The following EYA2 variants were observed in gnomAD, a reference collection of about 807,000 sequenced individuals.
EYA2 encodes EYA transcriptional coactivator and phosphatase 2, also known as protein phosphatase EYA2.
In EYA2, 31 loss-of-function variants were observed where a neutral mutation model predicts 69.2. That is an observed-to-expected ratio of 0.45 (90% confidence interval 0.34 to 0.60). EYA2 has a LOEUF of 0.60. EYA2 is among the 20% of genes least tolerant of loss of function. The probability of loss-of-function intolerance (pLI) is 0.02; values close to 1 mark genes in which losing one functional copy is unlikely to be tolerated. For missense variants in EYA2, 622 were observed against 701.2 expected (o/e 0.89, Z 1.28); for synonymous variants, 257 against 279.4 (o/e 0.92, Z 0.80).
In EYA2 at chr20:47,172,714, A is replaced by T. The variant is rs2034347152; in HGVS notation, c.1045A>T (p.Asn349Tyr). 6.2e-7 allele frequency: 1 copy of T among 1,611,938 alleles called. No individual in the cohort carries two copies. The highest frequency in any genetic ancestry group is 8.5e-7 in the Non-Finnish European group (1 of 1,179,092). Residue 349 changes from asparagine to tyrosine, a missense_variant, in exon 12 of 16, where the codon AAC (asparagine) becomes TAC (tyrosine). Around this residue, in one of 2 missense-constraint regions of EYA2, gnomAD observed 257 missense variants for 351.5 expected, o/e 0.73. Coordinates refer to ENST00000327619, the MANE Select transcript of EYA2 (RefSeq NM_005244.5). ...DDNGQDLSTY[N>Y]FSADGFHSSA... ...CCCCTCCTCTCTCCGCAGCACATAC[A>T]ACTTCTCCGCTGACGGCTTCCACAG...
chr20:47,034,565 A>T (rs538360615), intron 5 of EYA2, among the ~76,000 whole-genome samples: 4 of 152,224 alleles, frequency 2.6e-5, no homozygotes, highest in African/African-American at 9.6e-5. Flanking sequence ...GCGAGGAGGG[A>T]TCCCCAACTT....
chr20:47,104,624 G>A (rs1461783743), intron 9 of EYA2, among the ~76,000 whole-genome samples: 1 of 152,050 alleles, frequency 6.6e-6, no homozygotes, highest in East Asian at 1.9e-4. Flanking sequence ...GTGAGGCAGG[G>A]GTGCAACCTC....
intron 5 of EYA2, among the ~76,000 whole-genome samples, chr20:47,030,477 A>G (rs529291472): frequency 6.6e-6 from 1 of 152,346 alleles, no homozygotes; most frequent in East Asian, 1.9e-4. Flanking sequence ...CATGCTAAGC[A>G]TGGGCCACAC....
At chr20:47,028,935 T>TA (rs550136462) in intron 5 of EYA2, among the ~76,000 whole-genome samples, 98 of 149,062 alleles carry the variant, frequency 6.6e-4, no homozygotes, top group African/African-American at 2.1e-3. Flanking sequence ...AAATTTAAAT[T>TA]AAAAAAAAAC....
intron 2 of EYA2, among the ~76,000 whole-genome samples, chr20:47,001,160 C>G (rs77134889): frequency 0.01 from 1,560 of 152,140 alleles, 31 homozygotes; most frequent in African/African-American, 0.036. Context: ...GAAATGGACT[C>G]TACTCTGATG....
intron 5 of EYA2, among the ~76,000 whole-genome samples, chr20:47,034,622 A>G (rs1283300563): frequency 6.6e-6 from 1 of 152,220 alleles, no homozygotes; most frequent in East Asian, 1.9e-4. Context: ...CCCTGTCCCC[A>G]CCAAAGTTAA....
intron 1 of EYA2, among the ~76,000 whole-genome samples, chr20:46,918,087 G>A (rs565515471): frequency 6.6e-6 from 1 of 152,250 alleles, no homozygotes; most frequent in African/African-American, 2.4e-5. Context: ...TTGGGAAGCC[G>A]AGGTGGGCGG....
chr20:47,055,694 G>A (rs201638747), intron 5 of EYA2, among the ~76,000 whole-genome samples: 1 of 152,088 alleles, frequency 6.6e-6, no homozygotes, highest in Non-Finnish European at 1.5e-5. Context: ...CTGTCCCCAC[G>A]TCTTCATGAT....
At chr20:47,023,686 G>T (rs1049276984) in intron 5 of EYA2, among the ~76,000 whole-genome samples, 6 of 136,870 alleles carry the variant, frequency 4.4e-5, no homozygotes, top group Admixed American at 2.5e-4. Flanking sequence ...CACCCAGGCT[G>T]GAGTGCAGTG....
intron 1 of EYA2, among the ~76,000 whole-genome samples, chr20:46,979,988 G>T (rs565317287): frequency 6.6e-6 from 1 of 152,296 alleles, no homozygotes; most frequent in African/African-American, 2.4e-5. Context: ...TAACGACATA[G>T]CTGGGATTTG....
intron 5 of EYA2, among the ~76,000 whole-genome samples, chr20:47,022,762 TCC>T (rs1400813729): frequency 6.6e-6 from 1 of 150,796 alleles, no homozygotes. Context: ...CAAGTGATTC[TCC>T]CGCCTCAGCC....
chr20:47,073,926 G>T (rs928715908), intron 6 of EYA2, among the ~76,000 whole-genome samples: 2 of 151,956 alleles, frequency 1.3e-5, no homozygotes, highest in Non-Finnish European at 2.9e-5. Flanking sequence ...CTGCTCTCCC[G>T]CATCTCTCTC....
chr20:47,096,208 A>G (rs757614650), intron 8 of EYA2: 21 of 152,224 alleles, frequency 1.4e-4, no homozygotes, highest in Non-Finnish European at 2.5e-4. Context: ...CAATCTGGGG[A>G]TATGACATTG....
At chr20:47,093,692 T>A (rs1430632788) in intron 8 of EYA2, among the ~76,000 whole-genome samples, 4 of 152,244 alleles carry the variant, frequency 2.6e-5, no homozygotes, top group African/African-American at 9.6e-5. Context: ...AGAGCCACAT[T>A]GAGCCAAACT....
At position 47,188,436 on chromosome 20, in the gene EYA2, G is replaced by T; in HGVS notation, c.*303G>T. On this transcript the variant is annotated 3_prime_UTR_variant, in exon 16 of 16. Transcript: ENST00000327619. Reference sequence around the variant, plus strand: ...GGAATTGCTGATTTGGGGGGTGCCTGGTGATGAGGAGGGGATGGGTTTGTC... The same window carrying T: ...GGAATTGCTGATTTGGGGGGTGCCTTGTGATGAGGAGGGGATGGGTTTGTC... 1 of 559,140 alleles carries T rather than the reference G, an allele frequency of 1.8e-6. No homozygotes were observed. Among genetic ancestry groups the T allele is most frequent in the South Asian group, 2.7e-5 (1 of 36,616 alleles). The allele number at this position is 559,140 out of a possible 1,614,324, so 34.6% of individuals were successfully genotyped here. A position where few individuals can be genotyped will look rare whatever the true frequency, so the allele number is the denominator to read the frequency against.
chr20:46,978,271 G>A (rs1980586552), intron 1 of EYA2: 1 of 267,726 alleles, frequency 3.7e-6, no homozygotes, highest in African/African-American at 2.2e-5. Context: ...GAGAGTCATG[G>A]GGAGACCTAG....
intron 2 of EYA2, among the ~76,000 whole-genome samples, chr20:46,999,466 T>G (rs1231687010): frequency 6.6e-6 from 1 of 152,212 alleles, no homozygotes; most frequent in Non-Finnish European, 1.5e-5. Flanking sequence ...TCTTTGAATG[T>G]GATACATGAT....
At chr20:46,949,694 A>C (rs186801008) in intron 1 of EYA2, among the ~76,000 whole-genome samples, 2 of 152,318 alleles carry the variant, frequency 1.3e-5, no homozygotes, top group Admixed American at 1.3e-4. Flanking sequence ...TATTGAATGG[A>C]TGGACTGCTC....
intron 9 of EYA2, among the ~76,000 whole-genome samples, chr20:47,116,435 C>T (rs967957641): frequency 1.3e-5 from 2 of 152,160 alleles, no homozygotes; most frequent in African/African-American, 4.8e-5. Context: ...ACCTCAGCCT[C>T]CCAAAGTGCT....
Sources: allele counts gnomAD v4.1 joint callset (sites outside exome capture counted in the v4.1 genomes callset), GRCh38; gene constraint gnomAD v4.1.1; regional missense constraint gnomAD v4.1.1; transcripts MANE v1.5; gene names NCBI Gene and HGNC (gene_info 2026-07-23, HGNC 2026-07-21).